The following FGFR1 variants were observed in gnomAD, a reference collection of about 807,000 sequenced individuals.
The protein encoded by FGFR1 is FGFR1/PLAG1 fusion.
Under a neutral mutation model 93.7 loss-of-function variants are expected in FGFR1, and 18 were observed. The ratio of observed to expected loss-of-function variants is 0.19; its 90% CI spans 0.13 to 0.28. The LOEUF (loss-of-function observed/expected upper bound fraction) is 0.28. Among genes scored for constraint, FGFR1 ranks in the 10% least tolerant of loss-of-function variants. The pLI is 1.00. For missense variants in FGFR1, 731 were observed against 1,080.4 expected, an observed-to-expected ratio of 0.68 and a Z score of 4.53; for synonymous variants, 448 against 429.3, an observed-to-expected ratio of 1.04 and a Z score of -0.54.
chr8:38,448,279 T>C (rs1459733121), intron 2 of FGFR1, among the ~76,000 whole-genome samples: 1 of 82,730 alleles, frequency 1.2e-5, no homozygotes, highest in Admixed American at 1.2e-4. Context: ...AAAACACCAA[T>C]TTTTTTTTTT....
At chr8:38,444,700 G>T (rs1259392800) in intron 2 of FGFR1, among the ~76,000 whole-genome samples, 1 of 151,998 alleles carries the variant, frequency 6.6e-6, no homozygotes, top group Non-Finnish European at 1.5e-5. Context: ...CCAGTTTAGG[G>T]ATTTTTCTAC....
At chr8:38,450,906 C>A (rs887495567) in intron 2 of FGFR1, among the ~76,000 whole-genome samples, 1 of 152,164 alleles carries the variant, frequency 6.6e-6, no homozygotes, top group African/African-American at 2.4e-5. Context: ...GTCAAGAGGG[C>A]CACGTGAGCG....
intron 2 of FGFR1, among the ~76,000 whole-genome samples, chr8:38,444,030 G>A (rs1016153010): frequency 3.4e-5 from 4 of 118,216 alleles, no homozygotes; most frequent in Non-Finnish European, 6.6e-5. Flanking sequence ...CCCAGCCTGG[G>A]CAACAAGAAT....
At position 38,429,536 on chromosome 8, in the gene FGFR1, G is replaced by C; in HGVS notation, c.358+146C>G. ...TGAGAGCCAAGCCACGCGGCAGGCAGGGAGCAATGTTAGTGGGCAGCAGTT... is the reference window on the plus strand; with the variant it reads ...TGAGAGCCAAGCCACGCGGCAGGCACGGAGCAATGTTAGTGGGCAGCAGTT... On this transcript the variant is annotated intron_variant, in intron 3 of 17. Coordinates refer to ENST00000447712, the MANE Select transcript of FGFR1 (RefSeq NM_023110.3). This position sits in a 1 kb window ranked among gnomAD's most constrained non-coding sequence, Gnocchi z 4.4. 1 of 956,694 alleles carries C rather than the reference G, an allele frequency of 1.0e-6. No homozygotes were observed. Among genetic ancestry groups the C allele is most frequent in the Non-Finnish European group, 1.6e-6 (1 of 628,416 alleles). The allele number at this position is 956,694 out of a possible 1,614,324, so 59.3% of individuals were successfully genotyped here. A position where few individuals can be genotyped will look rare whatever the true frequency, so the allele number is the denominator to read the frequency against.
At chr8:38,440,005 C>T (rs1177341288) in intron 2 of FGFR1, among the ~76,000 whole-genome samples, 1 of 152,186 alleles carries the variant, frequency 6.6e-6, no homozygotes, top group Non-Finnish European at 1.5e-5. Context: ...AGCATGATGT[C>T]TCAGGGTAGC....
chr8:38,432,475 C>T (rs1428822745), intron 2 of FGFR1, among the ~76,000 whole-genome samples: 2 of 148,180 alleles, frequency 1.3e-5, no homozygotes, highest in Admixed American at 6.8e-5. Context: ...TGAAGTGCTG[C>T]GATCTCGGCT....
intron 7 of FGFR1, among the ~76,000 whole-genome samples, chr8:38,422,568 TA>T (rs1206105623): frequency 6.6e-6 from 1 of 152,178 alleles, no homozygotes; most frequent in African/African-American, 2.4e-5. Context: ...CATACTTGGC[TA>T]ATTTATTTAA....
At chr8:38,416,596 C>G (rs924809789) in intron 12 of FGFR1, among the ~76,000 whole-genome samples, 2 of 151,414 alleles carry the variant, frequency 1.3e-5, no homozygotes, top group Middle Eastern at 3.4e-3. Flanking sequence ...GCTGGAATTA[C>G]AGGCATGCGC....
chr8:38,412,834 T>A lies in FGFR1; in HGVS notation c.*794A>T, dbSNP rs1477984241. 7 of 233,536 alleles carry A rather than the reference T, an allele frequency of 3.0e-5. No individual in the cohort carries two copies. The highest frequency in any genetic ancestry group is 5.1e-5 in the Non-Finnish European group (6 of 118,038). The allele number at this position is 233,536 out of a possible 1,614,324, so 14.5% of individuals were successfully genotyped here. A position where few individuals can be genotyped will look rare whatever the true frequency, so the allele number is the denominator to read the frequency against. On this transcript the variant is annotated 3_prime_UTR_variant, in exon 18 of 18. Transcript: ENST00000447712. Reference sequence around the variant, plus strand: ...AGTAGCAAAAAATATATGACCTTTTTAAAAACATTTTCCTTTTTTTTCTTT... The same window carrying A: ...AGTAGCAAAAAATATATGACCTTTTAAAAAACATTTTCCTTTTTTTTCTTT...
At position 38,457,470 on chromosome 8, in the gene FGFR1, G is replaced by A; in HGVS notation, c.-24C>T. ...ATCCCAGTTCTGCAGTTAGAGGTTGGTGACAAGGCTCCACATCTCCATGGA... is the reference window on the plus strand; with the variant it reads ...ATCCCAGTTCTGCAGTTAGAGGTTGATGACAAGGCTCCACATCTCCATGGA... On this transcript the variant is annotated 5_prime_UTR_variant, in exon 2 of 18. Transcript: ENST00000447712. 1 of 1,613,760 alleles carries A rather than the reference G, an allele frequency of 6.2e-7. No individual in the cohort carries two copies. Among genetic ancestry groups the A allele is most frequent in the Non-Finnish European group, 8.5e-7 (1 of 1,179,922 alleles).
chr8:38,439,293 A>T (rs1826529083), intron 2 of FGFR1, among the ~76,000 whole-genome samples: 1 of 151,648 alleles, frequency 6.6e-6, no homozygotes, highest in Non-Finnish European at 1.5e-5. Context: ...GGGGTGGCCC[A>T]CTCCAGGTCT....
At chr8:38,418,131 C>T (rs1008809376) in intron 10 of FGFR1, 97 bp downstream of exon 10, 12 of 1,607,424 alleles carry the variant, frequency 7.5e-6, no homozygotes, top group East Asian at 2.2e-5. Flanking sequence ...ATTTCATGAA[C>T]CTTCACCGCC....
At chr8:38,435,608 G>A (rs1450275494) in intron 2 of FGFR1, 1 of 152,248 alleles carries the variant, frequency 6.6e-6, no homozygotes, top group Admixed American at 6.5e-5. Flanking sequence ...TACCATGTCA[G>A]TACTTTCCAT....
At chr8:38,422,065 T>C (rs1819007654) in intron 7 of FGFR1, 124 bp from the exon 8 acceptor site, 1 of 1,192,576 alleles carries the variant, frequency 8.4e-7, no homozygotes, top group African/African-American at 1.5e-5. Flanking sequence ...GACATCTTCT[T>C]TGCAACAAGG....
intron 2 of FGFR1, among the ~76,000 whole-genome samples, chr8:38,452,117 A>G (rs1831244510): frequency 6.6e-6 from 1 of 151,546 alleles, no homozygotes; most frequent in Admixed American, 6.6e-5. Context: ...GCCCTCCCCA[A>G]TCCCTCAGGA....
At chr8:38,457,182 ACCAG>A (rs1465316569) in intron 2 of FGFR1, among the ~76,000 whole-genome samples, 170 bp downstream of exon 2, 1 of 152,198 alleles carries the variant, frequency 6.6e-6, no homozygotes. Context: ...TTATAACCAG[ACCAG>A]AACCAACCCA....
intron 2 of FGFR1, among the ~76,000 whole-genome samples, chr8:38,449,964 G>T (rs1830534103): frequency 6.6e-6 from 1 of 152,242 alleles, no homozygotes; most frequent in Non-Finnish European, 1.5e-5. Context: ...ATGCTAAGAG[G>T]CAACAGGCCC....
chr8:38,416,337 T>G (rs763317519), intron 12 of FGFR1, among the ~76,000 whole-genome samples: 1 of 152,028 alleles, frequency 6.6e-6, no homozygotes, highest in Non-Finnish European at 1.5e-5. Context: ...CAGGCTGGAG[T>G]GCAGTGGCGC....
chr8:38,421,144 T>A (rs746784021), intron 8 of FGFR1, among the ~76,000 whole-genome samples: 2 of 152,114 alleles, frequency 1.3e-5, no homozygotes, highest in African/African-American at 2.4e-5. Flanking sequence ...GCCACCACCC[T>A]GAGCAGGCTG....
Sources: gnomAD v4.1 joint callset for allele counts (sites outside exome capture counted in the v4.1 genomes callset) on GRCh38, gnomAD v4.1.1 for gene constraint, Gnocchi (gnomAD v3.1) non-coding constraint, MANE v1.5 for transcripts, NCBI Gene and HGNC (gene_info 2026-07-23, HGNC 2026-07-21) for gene names.